AQR: variants seen among roughly 807,000 people sequenced by gnomAD.
AQR encodes the protein aquarius intron-binding spliceosomal factor, also known as RNA helicase aquarius.
In AQR, 61 loss-of-function variants were observed where a neutral mutation model predicts 180.5. The observed-to-expected ratio is 0.34, with a 90% CI of 0.28 to 0.42. AQR has a LOEUF of 0.42. Among genes scored for constraint, AQR ranks in the 10% least tolerant of loss-of-function variants. The probability of loss-of-function intolerance (pLI) is 1.00; values close to 1 mark genes in which losing one functional copy is unlikely to be tolerated. For synonymous variants in AQR, 551 were observed against 588.8 expected (o/e 0.94, Z 0.93); for missense variants, 1,281 against 1,798.3 (o/e 0.71, Z 5.20).
At chr15:34,917,162 A>G (rs1893607139) in intron 15 of AQR, among the ~76,000 whole-genome samples, 1 of 152,238 alleles carries the variant, frequency 6.6e-6, no homozygotes, top group African/African-American at 2.4e-5. Context: ...GTAAGAACAT[A>G]AAAAGATATG....
intron 13 of AQR, among the ~76,000 whole-genome samples, chr15:34,920,777 T>C (rs372671548): frequency 2.0e-5 from 3 of 151,976 alleles, no homozygotes; most frequent in South Asian, 2.1e-4. Flanking sequence ...GCTAACATGG[T>C]GAAATTCCGT....
chr15:34,862,185 C>T (rs112899964), intron 33 of AQR, among the ~76,000 whole-genome samples: 82 of 152,186 alleles, frequency 5.4e-4, no homozygotes, highest in African/African-American at 1.5e-3. Flanking sequence ...CTCTCTCCTC[C>T]CTCATTTCCC....
intron 26 of AQR, among the ~76,000 whole-genome samples, chr15:34,884,306 T>A (rs574617399): frequency 6.6e-6 from 1 of 152,042 alleles, no homozygotes; most frequent in South Asian, 2.1e-4. Context: ...GCTCGGAAGC[T>A]GAGGCAGGAG....
chr15:34,925,242 C>A (rs1382944431), intron 13 of AQR, among the ~76,000 whole-genome samples: 4 of 151,574 alleles, frequency 2.6e-5, no homozygotes, highest in Admixed American at 6.6e-5. Flanking sequence ...ATGTAAATGG[C>A]CAAGAAAAAA....
In AQR at chr15:34,856,920, C is replaced by G; in HGVS notation, c.4330G>C (p.Ala1444Pro). The change falls in exon 35 of 35, where the codon GCC becomes CCC. Residue 1444 changes from alanine (A) to proline (P), a missense_variant. Transcript: ENST00000156471. ...QTDTTPSETG[A>P]TSTPEAIPAL... ...GGGATGGCTTCTGGAGTGGAAGTGG[C>G]TCCTGTCTCACTGGGGGTGGTGTCA... 1 of 1,614,048 alleles carries G rather than the reference C, an allele frequency of 6.2e-7. No homozygotes were observed. Among genetic ancestry groups the G allele is most frequent in the Admixed American group, 1.7e-5 (1 of 60,002 alleles).
intron 15 of AQR, among the ~76,000 whole-genome samples, 172 bp from the exon 16 acceptor site, chr15:34,915,351 T>A (rs532602953): frequency 1.3e-5 from 2 of 151,938 alleles, no homozygotes; most frequent in African/African-American, 4.8e-5. Context: ...CCACCATGCC[T>A]GGCTAATTTT....
At position 34,884,521 on chromosome 15, in the gene AQR, T is replaced by C. The variant is rs1893026851; in HGVS notation, c.3027+4A>G. The C allele has an allele frequency of 6.4e-7, 1 of 1,573,676 alleles. No individual in the cohort carries two copies. The highest frequency in any genetic ancestry group is 8.6e-7 in the Non-Finnish European group (1 of 1,165,254). ...GGAAGTTCAAAGAACTTGAGAATCC[T>C]TACCTCAAGCTGCGTAAAGATTTTC... On this transcript the variant is annotated splice_donor_region_variant and intron_variant, in intron 26 of 34. Coordinates refer to ENST00000156471, the MANE Select transcript of AQR (RefSeq NM_014691.3).
chr15:34,876,525 T>C (rs1444967502), intron 27 of AQR, among the ~76,000 whole-genome samples: 2 of 152,094 alleles, frequency 1.3e-5, no homozygotes, highest in Non-Finnish European at 2.9e-5. Flanking sequence ...GTCTATTCAT[T>C]TTTCTTTATT....
rs903587512 is a variant in AQR, at chr15:34,882,538, G to A, written c.3129C>T (p.Ala1043=). 1 of 1,597,012 alleles carries A rather than the reference G, an allele frequency of 6.3e-7. No individual in the cohort carries two copies. The highest frequency in any genetic ancestry group is 8.5e-7 in the Non-Finnish European group (1 of 1,171,672). The change falls in exon 27 of 35, where the codon GCC becomes GCT. Residue 1043 remains alanine, a synonymous_variant. Coordinates refer to ENST00000156471, the MANE Select transcript of AQR (RefSeq NM_014691.3). ...KIIAMTCTHA[A]LKRHDLVKLG... The stretch of plus-strand genomic sequence containing the variant: ...GCTTGACCAAGTCATGTCGTTTTAA[G>A]GCAGCATGAGTACAGGTCATAGCAA...
chr15:34,856,650 G>T lies in AQR; in HGVS notation c.*142C>A. On this transcript the variant is annotated 3_prime_UTR_variant, in exon 35 of 35. Coordinates refer to ENST00000156471, the MANE Select transcript of AQR (RefSeq NM_014691.3). ...ACATAATTTAAAAAAATATATTCAA[G>T]ACACCGAAATCAGTTAACAAATATA... 1 of 635,846 alleles carries T rather than the reference G, an allele frequency of 1.6e-6. No homozygotes were observed. The highest frequency in any genetic ancestry group is 2.4e-6 in the Non-Finnish European group (1 of 411,496). 39.4% of individuals were successfully genotyped at this position (635,846 alleles called of 1,614,324 possible).
chr15:34,918,082 T>C (rs947496864), intron 15 of AQR, among the ~76,000 whole-genome samples, 176 bp downstream of exon 15: 1 of 152,202 alleles, frequency 6.6e-6, no homozygotes, highest in African/African-American at 2.4e-5. Flanking sequence ...AAACCCTTAG[T>C]GCTAAAGCAT....
chr15:34,884,211 A>T (rs140792041), intron 26 of AQR, among the ~76,000 whole-genome samples: 1 of 152,274 alleles, frequency 6.6e-6, no homozygotes, highest in Non-Finnish European at 1.5e-5. Flanking sequence ...GTTCGAGACC[A>T]GCCTGGCCAA....
chr15:34,868,641 C>G (rs1415042191), intron 31 of AQR: 1 of 152,122 alleles, frequency 6.6e-6, no homozygotes, highest in East Asian at 1.9e-4. Flanking sequence ...TGTCCATCAT[C>G]TCAGGCCCCA....
In AQR at chr15:34,852,143, T is replaced by A. The variant is rs1326005522; in HGVS notation, c.*4649A>T. Reference sequence around the variant, plus strand: ...ACAGTTCTAGCCAATGTAAAGATATTGGTTCCCAAGGAAATAGCTACCTAA... The same window carrying A: ...ACAGTTCTAGCCAATGTAAAGATATAGGTTCCCAAGGAAATAGCTACCTAA... On this transcript the variant is annotated 3_prime_UTR_variant, in exon 35 of 35. Coordinates refer to ENST00000156471, the MANE Select transcript of AQR (RefSeq NM_014691.3). The A allele has an allele frequency of 6.6e-6, 1 of 152,108 alleles. No homozygotes were observed. The highest frequency in any genetic ancestry group is 2.4e-5 in the African/African-American group (1 of 41,402). The allele number at this position is 152,108 out of a possible 1,614,324, so 9.4% of individuals were successfully genotyped here. A position where few individuals can be genotyped will look rare whatever the true frequency, so the allele number is the denominator to read the frequency against.
intron 17 of AQR, among the ~76,000 whole-genome samples, chr15:34,907,798 T>TA (rs1893441623): frequency 6.6e-6 from 1 of 152,188 alleles, no homozygotes; most frequent in Non-Finnish European, 1.5e-5. Context: ...TTCTAAGTCT[T>TA]ACAGCCAAAG....
intron 13 of AQR, among the ~76,000 whole-genome samples, chr15:34,921,315 T>C (rs982345440): frequency 1.3e-5 from 2 of 150,934 alleles, no homozygotes; most frequent in African/African-American, 4.9e-5. Flanking sequence ...GCGCCTGTAG[T>C]CCCAGCTACT....
At chr15:34,875,003 G>C in intron 28 of AQR, 139 bp from the exon 29 acceptor site, 2 of 762,926 alleles carry the variant, frequency 2.6e-6, no homozygotes, top group Non-Finnish European at 4.1e-6. Context: ...ACAAACAGGA[G>C]TCTAGCAAAT....
chr15:34,958,974 TATATAGATATAGATATAGATATAG>T (rs11270252), intron 3 of AQR, among the ~76,000 whole-genome samples: 2,312 of 149,438 alleles, frequency 0.015, 24 homozygotes, highest in Middle Eastern at 0.065. Flanking sequence ...TACATATAGA[TATATAGATATAGATATAGATATAG>T]ATATAGATAT....
At chr15:34,936,950 T>C (rs1293181295) in intron 9 of AQR, among the ~76,000 whole-genome samples, 2 of 152,172 alleles carry the variant, frequency 1.3e-5, no homozygotes, top group Non-Finnish European at 2.9e-5. Flanking sequence ...AACCCAATCT[T>C]AGTCCTCTTT....
Sources: gnomAD v4.1 joint callset for allele counts (sites outside exome capture counted in the v4.1 genomes callset) on GRCh38, gnomAD v4.1.1 for gene constraint, MANE v1.5 for transcripts, NCBI Gene and HGNC (gene_info 2026-07-23, HGNC 2026-07-21) for gene names.